Variants in SLC25A41 observed in about 807,000 individuals in gnomAD.
SLC25A41 encodes the protein solute carrier family 25 member 41, also known as mitochondrial carrier protein SCaMC-3L.
A neutral mutation model predicts 34.7 loss-of-function variants in SLC25A41; 35 were observed. The ratio of observed to expected loss-of-function variants is 1.01; its 90% CI spans 0.77 to 1.34. The LOEUF (loss-of-function observed/expected upper bound fraction) is 1.34, where lower values mean the gene tolerates loss of function less well. SLC25A41 is among the 40% of genes most tolerant of loss of function. The probability of loss-of-function intolerance (pLI) is 0.00; values close to 1 mark genes in which losing one functional copy is unlikely to be tolerated. For missense variants in SLC25A41, 492 were observed against 489.8 expected (o/e 1.00, Z -0.04); for synonymous variants, 190 against 209.9 (o/e 0.91, Z 0.82).
intron 4 of SLC25A41, among the ~76,000 whole-genome samples, chr19:6,428,617 TTA>T (rs1410525911): frequency 6.8e-6 from 1 of 147,098 alleles, no homozygotes; most frequent in Non-Finnish European, 1.5e-5. Context: ...ATTAAATTAT[TTA>T]GTTATATATA....
rs372941741 is a variant in SLC25A41 at position 6,426,525 on chromosome 19, A to G, written c.977T>C (p.Val326Ala). 6.8e-6 allele frequency: 11 copies of G among 1,612,978 alleles called. No individual in the cohort carries two copies. In the Admixed American group the frequency reaches 1.0e-4, roughly 15 times the overall value. The change falls in exon 7 of 7, where the codon GTC (valine) becomes GCC (alanine). Residue 326 changes from valine to alanine, a missense_variant. Coordinates refer to ENST00000321510, the MANE Select transcript of SLC25A41 (RefSeq NM_173637.4). ...CTGCTGGGCCAGGATCCGCTGGAGG[A>G]CTCCGCGCATGGTGGGATTTGAGCC... ...VEGSNPTMRGVLQRILAQQGW... is the reference protein window; with the variant it reads ...VEGSNPTMRGALQRILAQQGW...
chr19:6,430,508 G>C, intron 2 of SLC25A41: 1 of 213,826 alleles, frequency 4.7e-6, no homozygotes, highest in Non-Finnish European at 8.1e-6. Context: ...TTTTTTTTTT[G>C]ACGGAGTCTC....
upstream of SLC25A41, among the ~76,000 whole-genome samples, chr19:6,435,008 A>G (rs1281183797): frequency 3.9e-5 from 6 of 151,904 alleles, no homozygotes; most frequent in African/African-American, 1.2e-4. Flanking sequence ...GGATCACTTG[A>G]GCCCAGGAGT....
rs2092296340 is a variant in SLC25A41, at chr19:6,433,741, TGCTCCA to T, written c.-54_-49del. ...TTCAAATCCCTAAGCAGTTGTTTGC[TGCTCCA>T]GCTACCATGCGGGAGTGTCTAGTGG... On this transcript the variant is annotated 5_prime_UTR_variant, in exon 1 of 7. Coordinates refer to ENST00000321510, the MANE Select transcript of SLC25A41 (RefSeq NM_173637.4). 1.4e-6 allele frequency: 2 copies of T among 1,436,000 alleles called. No individual in the cohort carries two copies. Among genetic ancestry groups the T allele is most frequent in the African/African-American group, 2.8e-5 (2 of 70,350 alleles). The allele number at this position is 1,436,000 out of a possible 1,614,324, so 89.0% of individuals were successfully genotyped here.
intron 4 of SLC25A41, among the ~76,000 whole-genome samples, chr19:6,429,119 T>TGA (rs1232047643): frequency 3.6e-5 from 2 of 55,032 alleles, no homozygotes; most frequent in African/African-American, 1.1e-4. Context: ...AATATATATA[T>TGA]TATATATATG....
chr19:6,426,935 G>C (rs1022991282), intron 6 of SLC25A41, among the ~76,000 whole-genome samples, 168 bp downstream of exon 6: 6 of 152,072 alleles, frequency 3.9e-5, no homozygotes, highest in African/African-American at 1.4e-4. Context: ...ACCATGCCTG[G>C]CTAATTTTTA....
chr19:6,430,707 G>A (rs934826776), intron 2 of SLC25A41: 3 of 194,694 alleles, frequency 1.5e-5, no homozygotes, highest in African/African-American at 2.4e-5. Context: ...AGGCTGGTCT[G>A]GAACTCCTGA....
In SLC25A41 at chr19:6,426,334, G is replaced by A. The variant is rs966664823; in HGVS notation, c.*55C>T. 9 of 1,540,012 alleles carry A rather than the reference G, an allele frequency of 5.8e-6. No individual in the cohort carries two copies. The highest frequency in any genetic ancestry group is 2.7e-5 in the African/African-American group (2 of 73,918). On this transcript the variant is annotated 3_prime_UTR_variant, in exon 7 of 7. Transcript: ENST00000321510. ...CCTCGAGGGCTCTTTGGGGCCAGGG[G>A]TCATCAGGTCCTCCTGTCCCATTTC...
chr19:6,429,071 T>TA (rs1331539293), intron 4 of SLC25A41, among the ~76,000 whole-genome samples: 697 of 65,108 alleles, frequency 0.011, 182 homozygotes, highest in Middle Eastern at 0.051. Flanking sequence ...TATATATATA[T>TA]ATAATATATA....
chr19:6,433,120 C>T (rs2092293210), intron 1 of SLC25A41, among the ~76,000 whole-genome samples: 2 of 152,098 alleles, frequency 1.3e-5, no homozygotes, highest in South Asian at 4.1e-4. Flanking sequence ...GAGATCTGGG[C>T]TCACTGCAAC....
intron 2 of SLC25A41, among the ~76,000 whole-genome samples, chr19:6,431,606 A>AT (rs2092285874): frequency 6.6e-6 from 1 of 151,472 alleles, no homozygotes; most frequent in Non-Finnish European, 1.5e-5. Flanking sequence ...TGCCCGACTA[A>AT]TTTTTTTGTA....
intron 2 of SLC25A41, among the ~76,000 whole-genome samples, chr19:6,431,623 G>A (rs1753083892): frequency 6.6e-6 from 1 of 151,706 alleles, no homozygotes; most frequent in Admixed American, 6.6e-5. Context: ...TGTATTTTTA[G>A]TAGAGACAGG....
chr19:6,432,439 T>G (rs988324908), intron 1 of SLC25A41, among the ~76,000 whole-genome samples: 4 of 148,872 alleles, frequency 2.7e-5, no homozygotes, highest in African/African-American at 1.0e-4. Flanking sequence ...GCCTCCTGAG[T>G]AGCTGGGATT....
At position 6,433,536 on chromosome 19, in the gene SLC25A41, G is replaced by T. The variant is rs200336615; in HGVS notation, c.158C>A (p.Ala53Glu). 5.1e-5 allele frequency: 82 copies of T among 1,613,396 alleles called. 1 individual carries two copies. Among genetic ancestry groups the T allele is most frequent in the Admixed American group, 2.2e-4 (13 of 59,954 alleles). ...NPGCTHVYGY[A>E]FGHMHDNNLE... is the part of the protein sequence containing the mutation. ...GTTGTTGTCATGCATGTGGCCAAAC[G>T]CGTACCCATACACGTGTGTACAGCC... Residue 53 changes from alanine to glutamate, a missense_variant, in exon 1 of 7, where the codon GCG (alanine) becomes GAG (glutamate). Physicochemically the swap from Ala to Glu is moderately radical, Grantham distance 107. Coordinates refer to ENST00000321510, the MANE Select transcript of SLC25A41 (RefSeq NM_173637.4).
At chr19:6,435,864 CAA>C (rs1188024567), upstream of SLC25A41, among the ~76,000 whole-genome samples, 1 of 150,928 alleles carries the variant, frequency 6.6e-6, no homozygotes, top group Non-Finnish European at 1.5e-5. Flanking sequence ...CTCTAAAAAA[CAA>C]AAAAAGTAGT....
chr19:6,428,013 T>C (rs549060405), intron 4 of SLC25A41, among the ~76,000 whole-genome samples: 37 of 151,784 alleles, frequency 2.4e-4, no homozygotes, highest in Non-Finnish European at 4.9e-4. Flanking sequence ...AGAGAGTGAA[T>C]AGGTAGAAAA....
At position 6,428,583 on chromosome 19, in the gene SLC25A41, A is replaced by G. The variant is rs993267905; in HGVS notation, c.625-1082T>C. Among the ~76,000 whole-genome samples, 33 of 147,718 alleles carry G rather than the reference A, an allele frequency of 2.2e-4. 1 individual carries two copies. The highest frequency in any genetic ancestry group is 1.2e-3 in the East Asian group (6 of 5,148). Reference sequence around the variant, plus strand: ...ATTTTTATATTACATAGTATATAATAAATGTAATTATATAATTAGATACAT... The same window carrying G: ...ATTTTTATATTACATAGTATATAATGAATGTAATTATATAATTAGATACAT... On this transcript the variant is annotated intron_variant, in intron 4 of 6. Coordinates refer to ENST00000321510, the MANE Select transcript of SLC25A41 (RefSeq NM_173637.4).
upstream of SLC25A41, among the ~76,000 whole-genome samples, chr19:6,435,447 G>T (rs1027376572): frequency 6.7e-6 from 1 of 149,542 alleles, no homozygotes; most frequent in African/African-American, 2.6e-5. Context: ...TTGGCTGGGC[G>T]TGGTGGCTCA....
intron 4 of SLC25A41, among the ~76,000 whole-genome samples, chr19:6,429,065 T>TATATGTAAC (rs1299544424): frequency 6.4e-5 from 2 of 31,302 alleles, no homozygotes; most frequent in Non-Finnish European, 1.2e-4. Flanking sequence ...ATATGTTATA[T>TATATGTAAC]ATATATATAA....
Sources: allele counts gnomAD v4.1 joint callset (sites outside exome capture counted in the v4.1 genomes callset), GRCh38; gene constraint gnomAD v4.1.1; transcripts MANE v1.5; gene names NCBI Gene and HGNC (gene_info 2026-07-23, HGNC 2026-07-21).